RAB5A: variants seen among roughly 807,000 people sequenced by gnomAD.
The protein encoded by RAB5A is ras-related protein Rab-5A.
A neutral mutation model predicts 25.7 loss-of-function variants in RAB5A; 8 were observed. That is an observed-to-expected ratio of 0.31 (90% CI 0.18 to 0.56). The LOEUF is 0.56. Among genes scored for constraint, RAB5A ranks in the 20% least tolerant of loss-of-function variants. The pLI is 0.91. For missense variants in RAB5A, 192 were observed against 259.7 expected, an observed-to-expected ratio of 0.74 and a Z score of 1.79; for synonymous variants, 98 against 89.8, an observed-to-expected ratio of 1.09 and a Z score of -0.52.
chr3:19,980,050 A>G (rs1328703139), intron 5 of RAB5A: 1 of 152,234 alleles, frequency 6.6e-6, no homozygotes, highest in East Asian at 1.9e-4. Context: ...GCCTTTTCTC[A>G]TGTAAACTGT....
chr3:19,963,645 CTTTTGT>C (rs1350997679), intron 2 of RAB5A, among the ~76,000 whole-genome samples: 13 of 151,894 alleles, frequency 8.6e-5, no homozygotes, highest in Admixed American at 2.0e-4. Flanking sequence ...GATATCAGAA[CTTTTGT>C]TTTTGTTTTG....
chr3:19,955,908 T>A (rs1175025798), intron 2 of RAB5A, among the ~76,000 whole-genome samples: 6 of 151,586 alleles, frequency 4.0e-5, no homozygotes, highest in African/African-American at 7.3e-5. Flanking sequence ...AAAAAAAAAT[T>A]GTTCATGCAA....
At chr3:19,975,214 CAAAAA>C (rs765855763) in intron 2 of RAB5A, among the ~76,000 whole-genome samples, 1 of 114,620 alleles carries the variant, frequency 8.7e-6, no homozygotes. Flanking sequence ...ACTCTTGTAT[CAAAAA>C]AAAAAAAAAA....
chr3:19,962,821 T>C (rs1257883222), intron 2 of RAB5A, among the ~76,000 whole-genome samples: 1 of 127,900 alleles, frequency 7.8e-6, no homozygotes, highest in Non-Finnish European at 1.6e-5. Context: ...TCTTTTCTTT[T>C]TTGATTTTTT....
chr3:19,978,484 A>G, intron 5 of RAB5A, 81 bp downstream of exon 5: 1 of 1,074,370 alleles, frequency 9.3e-7, no homozygotes, highest in Non-Finnish European at 1.4e-6. Flanking sequence ...TCTCTTTTTT[A>G]AAAAATTTTT....
intron 2 of RAB5A, among the ~76,000 whole-genome samples, chr3:19,973,233 G>A (rs1696776811): frequency 6.6e-6 from 1 of 152,122 alleles, no homozygotes; most frequent in Non-Finnish European, 1.5e-5. Flanking sequence ...CCTGGAAACA[G>A]TCCTCCACAG....
At chr3:19,964,519 C>T (rs1460501761) in intron 2 of RAB5A, among the ~76,000 whole-genome samples, 1 of 152,252 alleles carries the variant, frequency 6.6e-6, no homozygotes, top group East Asian at 1.9e-4. Context: ...GAGGCAATCA[C>T]AGGGTCTTAG....
chr3:19,957,259 G>C (rs1696517194), intron 2 of RAB5A, among the ~76,000 whole-genome samples: 1 of 151,990 alleles, frequency 6.6e-6, no homozygotes. Flanking sequence ...GTTTCTCAGA[G>C]GGAGAAATTA....
chr3:19,985,113 G>T lies in RAB5A; in HGVS notation c.*1290G>T. ...ATGATAATGCAGAATTAGGAAAACGGTTCACCAGTGTTTAGTTTTATATTG... is the reference window on the plus strand; with the variant it reads ...ATGATAATGCAGAATTAGGAAAACGTTTCACCAGTGTTTAGTTTTATATTG... On this transcript the variant is annotated 3_prime_UTR_variant, in exon 6 of 6. Transcript: ENST00000273047. 1 of 344,650 alleles carries T rather than the reference G, an allele frequency of 2.9e-6. No homozygotes were observed. Among genetic ancestry groups the T allele is most frequent in the South Asian group, 6.0e-5 (1 of 16,782 alleles). The allele number at this position is 344,650 out of a possible 1,614,324, so 21.3% of individuals were successfully genotyped here.
At chr3:19,947,892 C>G (rs1399196243) in intron 1 of RAB5A, 1 of 152,670 alleles carries the variant, frequency 6.6e-6, no homozygotes, top group Admixed American at 6.6e-5. Flanking sequence ...GTTGGAAAGG[C>G]CAAGGGACCT....
In RAB5A at chr3:19,947,173, G is replaced by GT. The variant is rs891607592; in HGVS notation, c.-439dup. On this transcript the variant is annotated 5_prime_UTR_variant, in exon 1 of 6. Transcript: ENST00000273047. ...GTGGCTCCGGCGGTGGGACTTGAGT[G>GT]TTTGTGTTTTGGTTCGTGAAGGAGC... is the stretch of plus-strand genomic sequence containing the variant. The GT allele has an allele frequency of 1.9e-5, 3 of 159,278 alleles. No individual in the cohort carries two copies. Among genetic ancestry groups the GT allele is most frequent in the African/African-American group, 7.2e-5 (3 of 41,460 alleles). 9.9% of individuals were successfully genotyped at this position (159,278 alleles called of 1,614,324 possible). A position where few individuals can be genotyped will look rare whatever the true frequency, so the allele number is the denominator to read the frequency against.
intron 2 of RAB5A, among the ~76,000 whole-genome samples, chr3:19,972,132 A>T (rs1242368417): frequency 2.0e-5 from 3 of 151,992 alleles, no homozygotes; most frequent in Non-Finnish European, 4.4e-5. Context: ...TTGCTTTCTG[A>T]TGAGTCAGTG....
chr3:19,963,149 AC>A (rs1696612269), intron 2 of RAB5A, among the ~76,000 whole-genome samples: 1 of 152,130 alleles, frequency 6.6e-6, no homozygotes, highest in Admixed American at 6.5e-5. Context: ...ACCTCATGTT[AC>A]TTCTATGTAG....
Position 19,983,756 on chromosome 3 carries a change from C to A in RAB5A, c.581C>A (p.Ala194Asp). 6.2e-7 allele frequency: 1 copy of A among 1,612,452 alleles called. No individual in the cohort carries two copies. Among genetic ancestry groups the A allele is most frequent in the Non-Finnish European group, 8.5e-7 (1 of 1,179,036 alleles). The change falls in exon 6 of 6, where the codon GCC becomes GAC. Residue 194 changes from alanine to aspartate, a missense_variant. By Grantham distance (126) the Ala-to-Asp change is moderately radical. Transcript: ENST00000273047. ...NEPQNPGANSARGRGVDLTEP... is the reference protein window; with the variant it reads ...NEPQNPGANSDRGRGVDLTEP... ...CCACAAAATCCAGGAGCAAATTCTG[C>A]CAGAGGAAGAGGAGTAGACCTTACC... is the stretch of plus-strand genomic sequence containing the variant.
intron 2 of RAB5A, among the ~76,000 whole-genome samples, chr3:19,955,692 G>C (rs1047206682): frequency 5.3e-5 from 8 of 152,072 alleles, no homozygotes; most frequent in African/African-American, 1.9e-4. Context: ...AGGAGTTCGA[G>C]ACCAGCTTGC....
At chr3:19,955,160 A>T (rs1219175061) in intron 2 of RAB5A, among the ~76,000 whole-genome samples, 1 of 152,230 alleles carries the variant, frequency 6.6e-6, no homozygotes, top group Non-Finnish European at 1.5e-5. Context: ...AGTGGTTAGA[A>T]TATGCAGTGA....
chr3:19,955,561 TG>T (rs1005996278), intron 2 of RAB5A, among the ~76,000 whole-genome samples: 1 of 152,104 alleles, frequency 6.6e-6, no homozygotes, highest in Non-Finnish European at 1.5e-5. Context: ...ATGGAATAAT[TG>T]GGGGGTTTTT....
intron 5 of RAB5A, chr3:19,979,835 AC>A (rs1696888774): frequency 6.6e-6 from 1 of 152,036 alleles, no homozygotes; most frequent in Admixed American, 6.6e-5. Flanking sequence ...TCATCCCATA[AC>A]ACCTTTTATT....
rs1369793120 is a variant in RAB5A, at chr3:19,975,257, A to C, written c.164-344A>C. On this transcript the variant is annotated intron_variant, in intron 2 of 5. Transcript: ENST00000273047. ...GAAGAAGGAAAAGAAATGTAGTCTTAAGTTTATTTAGTATTATAACAAGCT... is the reference window on the plus strand; with the variant it reads ...GAAGAAGGAAAAGAAATGTAGTCTTCAGTTTATTTAGTATTATAACAAGCT... 1.3e-5 allele frequency among the ~76,000 whole-genome samples: 2 copies of C among 152,048 alleles called. 1 individual carries two copies. Among genetic ancestry groups the C allele is most frequent in the South Asian group, 4.1e-4 (2 of 4,824 alleles).
Sources: allele counts gnomAD v4.1 joint callset (sites outside exome capture counted in the v4.1 genomes callset), GRCh38; gene constraint gnomAD v4.1.1; transcripts MANE v1.5; gene names NCBI Gene and HGNC (gene_info 2026-07-23, HGNC 2026-07-21).